The following DCAF6 variants were observed in gnomAD, a reference collection of about 807,000 sequenced individuals.
DCAF6 encodes DDB1 and CUL4 associated factor 6.
In DCAF6, 54 loss-of-function variants were observed where a neutral mutation model predicts 125.1. The observed-to-expected ratio is 0.43, with a 90% CI of 0.35 to 0.54. DCAF6 has a LOEUF of 0.54. Ranked by LOEUF, DCAF6 falls within the 20% of genes least tolerant of loss-of-function variation. The pLI, the probability that DCAF6 is intolerant of heterozygous loss-of-function variation, is 0.01. For missense variants in DCAF6, 934 were observed against 1,161.7 expected (o/e 0.80, Z 2.85); for synonymous variants, 371 against 390.4 (o/e 0.95, Z 0.58).
At chr1:168,062,815 G>A (rs72699740) in intron 17 of DCAF6, among the ~76,000 whole-genome samples, 3,706 of 151,942 alleles carry the variant, frequency 0.024, 67 homozygotes, top group Non-Finnish European at 0.041. Flanking sequence ...TTTCTTAAGA[G>A]AGTAAAATCT....
intron 12 of DCAF6, among the ~76,000 whole-genome samples, chr1:168,024,772 C>G (rs1168897186): frequency 6.6e-6 from 1 of 150,442 alleles, no homozygotes; most frequent in Non-Finnish European, 1.5e-5. Flanking sequence ...CCATTGCACT[C>G]CAGCCTGGGC....
At chr1:167,959,013 A>G (rs1287096396) in intron 2 of DCAF6, among the ~76,000 whole-genome samples, 1 of 152,200 alleles carries the variant, frequency 6.6e-6, no homozygotes. Flanking sequence ...TCACTGCCTT[A>G]AAAATCTCCT....
chr1:168,018,435 A>C lies in DCAF6; in HGVS notation c.1549+2484A>C, dbSNP rs150059156. Among the ~76,000 whole-genome samples, 757 of 152,282 alleles carry C rather than the reference A, an allele frequency of 5.0e-3. 5 individuals are homozygous for C. Among genetic ancestry groups the C allele is most frequent in the African/African-American group, 0.017 (711 of 41,544 alleles). On this transcript the variant is annotated intron_variant, in intron 11 of 21. Coordinates refer to ENST00000367840, the MANE Select transcript of DCAF6 (RefSeq NM_001198956.2). ...TTATGTGGAAATTCCAATAGAAAGT[A>C]TATAAAAGTAGCACTGTTGGGACTT... is the stretch of plus-strand genomic sequence containing the variant.
chr1:168,033,304 CTTTT>C (rs200401545), intron 12 of DCAF6, among the ~76,000 whole-genome samples: 1 of 119,788 alleles, frequency 8.3e-6, no homozygotes, highest in Non-Finnish European at 1.7e-5. Context: ...TGAAAAGGAT[CTTTT>C]TTTTTTTTTT....
intron 4 of DCAF6, among the ~76,000 whole-genome samples, chr1:167,981,189 A>G (rs1220568199): frequency 2.6e-5 from 4 of 152,048 alleles, no homozygotes; most frequent in African/African-American, 9.7e-5. Flanking sequence ...TACAGGCATG[A>G]GCCACCGCTC....
chr1:167,996,217 T>A (rs747446894), intron 7 of DCAF6, among the ~76,000 whole-genome samples: 1 of 152,182 alleles, frequency 6.6e-6, no homozygotes, highest in Non-Finnish European at 1.5e-5. Flanking sequence ...TTCATTCTTT[T>A]GTCTTAATTT....
chr1:167,900,967 C>T, the DCAF6 span, among the ~76,000 whole-genome samples: 2 of 152,206 alleles, frequency 1.3e-5, no homozygotes, highest in African/African-American at 2.4e-5. Flanking sequence ...TTTAGTTAGG[C>T]GGAAGCTAAC....
intron 21 of DCAF6, among the ~76,000 whole-genome samples, chr1:168,069,972 A>G (rs1202509988): frequency 6.6e-6 from 1 of 152,170 alleles, no homozygotes; most frequent in Non-Finnish European, 1.5e-5. Flanking sequence ...AATGACACCT[A>G]AAATGTGCTT....
At chr1:168,003,738 A>G (rs974367997) in intron 8 of DCAF6, 132 bp from the exon 9 acceptor site, 3 of 752,530 alleles carry the variant, frequency 4.0e-6, no homozygotes. Flanking sequence ...ATATACATTC[A>G]TACAATTTAT....
At chr1:168,027,727 G>C (rs934183937) in intron 12 of DCAF6, among the ~76,000 whole-genome samples, 1 of 151,928 alleles carries the variant, frequency 6.6e-6, no homozygotes, top group African/African-American at 2.4e-5. Context: ...AATTTTAGTG[G>C]ACTTGGTTAC....
At chr1:167,889,163 G>A in the DCAF6 span, among the ~76,000 whole-genome samples, 1 of 152,160 alleles carries the variant, frequency 6.6e-6, no homozygotes, top group South Asian at 2.1e-4. Context: ...GATCTTAGAG[G>A]AAGGGCTTTT....
intron 4 of DCAF6, among the ~76,000 whole-genome samples, chr1:167,976,251 T>C (rs778009946): frequency 6.6e-6 from 1 of 152,136 alleles, no homozygotes; most frequent in Non-Finnish European, 1.5e-5. Context: ...GGCGGATCAC[T>C]TGAGGCCAGG....
Position 167,992,252 on chromosome 1 carries a change from T to TACACACACACACACACACACAC in DCAF6, c.688+923_689-943dup, listed in dbSNP as rs761598229. On this transcript the variant is annotated intron_variant, in intron 6 of 21. Coordinates refer to ENST00000367840, the MANE Select transcript of DCAF6 (RefSeq NM_001198956.2). ...TTTTTCAGTAAAGGAAGGCCAGGAT[T>TACACACACACACACACACACAC]ACACACACACACACACACACACACA... Among the ~76,000 whole-genome samples, 352 of 143,170 alleles carry TACACACACACACACACACACAC rather than the reference T, an allele frequency of 2.5e-3. 5 individuals carry two copies. Among genetic ancestry groups the TACACACACACACACACACACAC allele is most frequent in the Middle Eastern group, 7.5e-3 (2 of 268 alleles). 93.9% of individuals were successfully genotyped at this position (143,170 alleles called of 152,430 possible).
At chr1:168,022,543 CACAGTACAGCAAACA>C (rs1392169202) in intron 11 of DCAF6, among the ~76,000 whole-genome samples, 2 of 152,082 alleles carry the variant, frequency 1.3e-5, no homozygotes, top group African/African-American at 4.8e-5. Context: ...TTGTTCAGCC[CACAGTACAGCAAACA>C]ACATCTCTCA....
chr1:168,037,656 C>G (rs945193485), intron 12 of DCAF6, among the ~76,000 whole-genome samples: 6 of 152,006 alleles, frequency 3.9e-5, no homozygotes, highest in African/African-American at 4.8e-5. Context: ...AAAAAGATTT[C>G]ATACATTGAG....
the DCAF6 span, among the ~76,000 whole-genome samples, chr1:167,904,375 C>T: frequency 2.0e-5 from 3 of 152,028 alleles, no homozygotes; most frequent in Non-Finnish European, 2.9e-5. Flanking sequence ...CGTGAGCCAC[C>T]GAACCCGGTG....
At chr1:167,909,028 C>T in the DCAF6 span, among the ~76,000 whole-genome samples, 1 of 152,148 alleles carries the variant, frequency 6.6e-6, no homozygotes, top group African/African-American at 2.4e-5. Flanking sequence ...AAAACATTAC[C>T]AGCTTTCCAG....
At chr1:168,069,036 G>A (rs1692716965) in intron 21 of DCAF6, among the ~76,000 whole-genome samples, 1 of 152,086 alleles carries the variant, frequency 6.6e-6, no homozygotes, top group African/African-American at 2.4e-5. Flanking sequence ...TTTCATAAAT[G>A]TCCCCATACG....
chr1:167,969,697 G>A lies in DCAF6; in HGVS notation c.252+2976G>A, dbSNP rs184269329. Among the ~76,000 whole-genome samples the A allele has an allele frequency of 3.2e-4, 49 of 152,224 alleles. 1 individual carries two copies. In the East Asian group the frequency reaches 9.3e-3, roughly 29 times the overall value. The stretch of plus-strand genomic sequence containing the variant: ...CATTAAGTTTTACTTAATTGTCCTG[G>A]CTTAGCAAAAAAAGCTTGATGTTTT... On this transcript the variant is annotated intron_variant, in intron 3 of 21. Coordinates refer to ENST00000367840, the MANE Select transcript of DCAF6 (RefSeq NM_001198956.2).
Sources: gnomAD v4.1 joint callset for allele counts (sites outside exome capture counted in the v4.1 genomes callset) on GRCh38, gnomAD v4.1.1 for gene constraint, MANE v1.5 for transcripts, NCBI Gene and HGNC (gene_info 2026-07-23, HGNC 2026-07-21) for gene names.